Variants in GALNTL6 observed in about 807,000 individuals in gnomAD.
GALNTL6 encodes polypeptide N-acetylgalactosaminyltransferase-like 6.
GALNTL6 carries 46 observed loss-of-function variants against 73.7 expected under a neutral mutation model. That is an observed-to-expected ratio of 0.62 (90% CI 0.49 to 0.80). The LOEUF is 0.80. Among genes scored for constraint, GALNTL6 ranks in the 30% least tolerant of loss-of-function variants. The pLI is 0.00. For missense variants in GALNTL6, 604 were observed against 755.0 expected, an observed-to-expected ratio of 0.80 and a Z score of 2.34; for synonymous variants, 259 against 263.7, an observed-to-expected ratio of 0.98 and a Z score of 0.17.
chr4:171,892,757 T>C (rs908732038), intron 2 of GALNTL6, among the ~76,000 whole-genome samples: 2 of 151,996 alleles, frequency 1.3e-5, no homozygotes, highest in African/African-American at 2.4e-5. Context: ...ATAGACGAGG[T>C]CTTGCTGTTA....
chr4:172,343,089 G>T (rs995580060), intron 4 of GALNTL6, among the ~76,000 whole-genome samples: 4 of 152,114 alleles, frequency 2.6e-5, no homozygotes, highest in Non-Finnish European at 4.4e-5. Context: ...AAATTTGGGG[G>T]TGGTCATTAC....
intron 5 of GALNTL6, among the ~76,000 whole-genome samples, chr4:172,642,650 T>C (rs1429854266): frequency 2.0e-5 from 3 of 151,932 alleles, no homozygotes; most frequent in Non-Finnish European, 4.4e-5. Flanking sequence ...CTTTAAAACA[T>C]GGTCACTAAA....
At chr4:172,954,246 C>T (rs1749604967) in intron 10 of GALNTL6, among the ~76,000 whole-genome samples, 1 of 152,178 alleles carries the variant, frequency 6.6e-6, no homozygotes, top group Non-Finnish European at 1.5e-5. Flanking sequence ...AATTTATAAG[C>T]ACCTTTTCTA....
chr4:172,318,274 A>G (rs1740635466), intron 4 of GALNTL6, among the ~76,000 whole-genome samples: 1 of 152,232 alleles, frequency 6.6e-6, no homozygotes, highest in Non-Finnish European at 1.5e-5. Flanking sequence ...TGAAAAAGAC[A>G]GAAGGTGTTT....
intron 2 of GALNTL6, among the ~76,000 whole-genome samples, chr4:172,198,866 C>G (rs1735864046): frequency 6.6e-6 from 1 of 152,072 alleles, no homozygotes; most frequent in Admixed American, 6.5e-5. Flanking sequence ...ACTATAATTC[C>G]CAAAATGTAT....
chr4:172,329,200 T>TG (rs1741042272), intron 4 of GALNTL6, among the ~76,000 whole-genome samples: 3 of 152,094 alleles, frequency 2.0e-5, no homozygotes, highest in Admixed American at 6.6e-5. Context: ...ACAGCAAAGG[T>TG]GAGGGCTGCA....
At chr4:172,451,988 G>A (rs943139333) in intron 5 of GALNTL6, among the ~76,000 whole-genome samples, 1 of 152,164 alleles carries the variant, frequency 6.6e-6, no homozygotes, top group South Asian at 2.1e-4. Flanking sequence ...TCCAGCCTGA[G>A]TGACAGAGTA....
chr4:172,528,964 T>TATATA, intron 5 of GALNTL6, among the ~76,000 whole-genome samples: 1 of 29,870 alleles, frequency 3.3e-5, no homozygotes, highest in African/African-American at 7.5e-5. Context: ...TATATATATA[T>TATATA]GTGTGTGTAT....
chr4:172,756,826 TTAAAGCAAA>T (rs1737784060), intron 5 of GALNTL6, among the ~76,000 whole-genome samples: 1 of 152,174 alleles, frequency 6.6e-6, no homozygotes, highest in African/African-American at 2.4e-5. Context: ...GTGTTTTGCA[TTAAAGCAAA>T]TAAAGCAGGT....
intron 3 of GALNTL6, among the ~76,000 whole-genome samples, chr4:172,272,415 AC>A (rs1738687694): frequency 6.6e-6 from 1 of 152,238 alleles, no homozygotes; most frequent in African/African-American, 2.4e-5. Flanking sequence ...CGCACTACAC[AC>A]CTAGGCCATA....
At chr4:172,724,521 A>G (rs1735679498) in intron 5 of GALNTL6, among the ~76,000 whole-genome samples, 1 of 152,176 alleles carries the variant, frequency 6.6e-6, no homozygotes, top group Admixed American at 6.5e-5. Flanking sequence ...TCAACTTTGT[A>G]TATTAGCCTT....
At chr4:173,033,385 C>CA (rs56814083) in intron 12 of GALNTL6, among the ~76,000 whole-genome samples, 69,159 of 142,118 alleles carry the variant, frequency 0.49, 17,730 homozygotes, top group East Asian at 0.86. Flanking sequence ...TTCTAGCTGT[C>CA]AAAAAAAAAA....
At position 171,905,050 on chromosome 4, in the gene GALNTL6, G is replaced by A. The variant is rs1449856222; in HGVS notation, c.138+90332G>A. 7.9e-5 allele frequency among the ~76,000 whole-genome samples: 12 copies of A among 152,172 alleles called. No homozygotes were observed. In the East Asian group the frequency reaches 2.3e-3, roughly 29 times the overall value. On this transcript the variant is annotated intron_variant, in intron 2 of 12. Coordinates refer to ENST00000506823, the MANE Select transcript of GALNTL6 (RefSeq NM_001034845.3). ...AGCCACTGCAAAATCATGCCAAAAT[G>A]TAAAGACCATCAAGACTAGGAAGAA...
At chr4:172,225,590 C>T (rs1024493647) in intron 2 of GALNTL6, among the ~76,000 whole-genome samples, 2 of 151,852 alleles carry the variant, frequency 1.3e-5, no homozygotes, top group African/African-American at 4.8e-5. Context: ...GGAATTATTT[C>T]TAACAAGTTC....
intron 2 of GALNTL6, among the ~76,000 whole-genome samples, chr4:172,218,445 C>G (rs1390705096): frequency 6.6e-6 from 1 of 152,058 alleles, no homozygotes; most frequent in African/African-American, 2.4e-5. Flanking sequence ...AAGACTATTG[C>G]TCCAGGAGTT....
intron 11 of GALNTL6, among the ~76,000 whole-genome samples, chr4:173,019,817 G>C (rs894621979): frequency 3.3e-5 from 5 of 152,178 alleles, no homozygotes; most frequent in African/African-American, 1.2e-4. Flanking sequence ...CCAGTTCTTT[G>C]TATTTGTCTT....
At chr4:172,594,778 G>T (rs1406947110) in intron 5 of GALNTL6, among the ~76,000 whole-genome samples, 4 of 152,036 alleles carry the variant, frequency 2.6e-5, no homozygotes, top group Non-Finnish European at 5.9e-5. Flanking sequence ...AGTACTGTCC[G>T]ATTTTTAAAA....
intron 8 of GALNTL6, among the ~76,000 whole-genome samples, chr4:172,918,847 G>A (rs376419699): frequency 3.9e-5 from 6 of 152,138 alleles, no homozygotes; most frequent in South Asian, 4.1e-4. Flanking sequence ...ACTGAAGCTC[G>A]GTTCACTGTG....
chr4:172,672,442 A>G (rs1254706170), intron 5 of GALNTL6, among the ~76,000 whole-genome samples: 1 of 152,138 alleles, frequency 6.6e-6, no homozygotes, highest in Non-Finnish European at 1.5e-5. Flanking sequence ...TTTTGCATTG[A>G]TGTTCATCAA....
Sources: gnomAD v4.1 joint callset for allele counts (sites outside exome capture counted in the v4.1 genomes callset) on GRCh38, gnomAD v4.1.1 for gene constraint, MANE v1.5 for transcripts, NCBI Gene and HGNC (gene_info 2026-07-23, HGNC 2026-07-21) for gene names.